Variants in ABCA13 observed in about 807,000 individuals in gnomAD.
The protein encoded by ABCA13 is ATP-binding cassette sub-family A member 13.
A neutral mutation model predicts 478.7 loss-of-function variants in ABCA13; 476 were observed. That is an observed-to-expected ratio of 0.99 (90% CI 0.92 to 1.07). The LOEUF (loss-of-function observed/expected upper bound fraction) is 1.07. Ranked by LOEUF, ABCA13 falls within the 50% of genes least tolerant of loss-of-function variation. ABCA13 has a pLI of 0.00. For synonymous variants in ABCA13, 2,252 were observed against 2,158.9 expected, an observed-to-expected ratio of 1.04 and a Z score of -1.20; for missense variants, 6,060 against 5,910.6, an observed-to-expected ratio of 1.03 and a Z score of -0.83.
rs550087578 is a variant in ABCA13 at position 48,191,703 on chromosome 7, C to T, written c.70-1256C>T. 5.5e-4 allele frequency among the ~76,000 whole-genome samples: 84 copies of T among 152,238 alleles called. 1 individual carries two copies. Among genetic ancestry groups the T allele is most frequent in the Admixed American group, 4.4e-3 (68 of 15,290 alleles). On this transcript the variant is annotated intron_variant, in intron 1 of 61. Transcript: ENST00000435803. Reference sequence around the variant, plus strand: ...GATTACAGGTGTGAGCCACCGTGCCCGGCCAAAGAGGGTGATTTCTTTTCT... The same window carrying T: ...GATTACAGGTGTGAGCCACCGTGCCTGGCCAAAGAGGGTGATTTCTTTTCT...
chr7:48,203,190 C>G (rs964186242), intron 3 of ABCA13, among the ~76,000 whole-genome samples: 9 of 152,224 alleles, frequency 5.9e-5, no homozygotes, highest in Middle Eastern at 3.4e-3. Context: ...CCGGCAGGGC[C>G]GGCCGGCTGC....
intron 44 of ABCA13, 92 bp from the exon 45 acceptor site, chr7:48,471,438 C>T: frequency 8.5e-7 from 1 of 1,170,284 alleles, no homozygotes; most frequent in Admixed American, 2.1e-5. Context: ...ATCTTGTGAA[C>T]TCTGTTCTAG....
chr7:48,387,953 A>T lies in ABCA13; in HGVS notation c.11467A>T (p.Asn3823Tyr), dbSNP rs776925418. ...GTTCTTCTTCAATGAGAACTTTGAC[A>T]ATAAAGGTTTGTAAGGAGTAGAATT... ...SLFFFNENFD[N>Y]KGSSLQNREG... The change falls in exon 36 of 62, where the codon AAT becomes TAT. Residue 3823 changes from asparagine (N) to tyrosine (Y), a missense_variant. Asn to Tyr is a moderately radical substitution (Grantham distance 143). Coordinates refer to ENST00000435803, the MANE Select transcript of ABCA13 (RefSeq NM_152701.5). The T allele has an allele frequency of 6.2e-7, 1 of 1,605,944 alleles. No individual in the cohort carries two copies. Among genetic ancestry groups the T allele is most frequent in the Non-Finnish European group, 8.5e-7 (1 of 1,177,944 alleles).
At chr7:48,604,501 T>C (rs557734691) in intron 58 of ABCA13, among the ~76,000 whole-genome samples, 1 of 152,312 alleles carries the variant, frequency 6.6e-6, no homozygotes, top group Admixed American at 6.5e-5. Flanking sequence ...CAGTAATCAT[T>C]CAGGAGCAGG....
At chr7:48,357,048 G>A (rs761865241) in intron 31 of ABCA13, among the ~76,000 whole-genome samples, 11 of 151,812 alleles carry the variant, frequency 7.2e-5, no homozygotes, top group South Asian at 2.1e-4. Context: ...GAAATGGAGC[G>A]TGCTGGGTCA....
intron 31 of ABCA13, among the ~76,000 whole-genome samples, chr7:48,354,256 C>T (rs1476335193): frequency 3.3e-5 from 5 of 152,016 alleles, no homozygotes; most frequent in African/African-American, 4.8e-5. Flanking sequence ...GTTGTGCTTA[C>T]GTGGATGGGA....
At chr7:48,308,007 T>G (rs1801170394) in intron 23 of ABCA13, among the ~76,000 whole-genome samples, 1 of 152,210 alleles carries the variant, frequency 6.6e-6, no homozygotes, top group Non-Finnish European at 1.5e-5. Flanking sequence ...TTTAAAAAAC[T>G]TTTGGACTCT....
chr7:48,514,701 GT>G (rs1384828073), intron 51 of ABCA13, among the ~76,000 whole-genome samples: 1 of 152,116 alleles, frequency 6.6e-6, no homozygotes, highest in Non-Finnish European at 1.5e-5. Flanking sequence ...GGGTAGGTGT[GT>G]GGTGTGGGTG....
chr7:48,637,700 T>A (rs1794786455), intron 59 of ABCA13, among the ~76,000 whole-genome samples: 1 of 152,184 alleles, frequency 6.6e-6, no homozygotes, highest in Admixed American at 6.5e-5. Context: ...GATGAGGCTA[T>A]GTATTTTTTT....
At chr7:48,508,085 A>G (rs1178739112) in intron 50 of ABCA13, 36 bp downstream of exon 50, 1 of 1,613,358 alleles carries the variant, frequency 6.2e-7, no homozygotes, top group South Asian at 1.1e-5. Flanking sequence ...GTGCCTCCAC[A>G]ATAGTGATCT....
intron 57 of ABCA13, among the ~76,000 whole-genome samples, chr7:48,592,792 T>C (rs1281969523): frequency 6.6e-6 from 1 of 152,066 alleles, no homozygotes; most frequent in Non-Finnish European, 1.5e-5. Flanking sequence ...ATTACTCTTT[T>C]ATCATTTTAT....
intron 20 of ABCA13, among the ~76,000 whole-genome samples, chr7:48,293,073 C>G (rs1798760926): frequency 6.6e-6 from 1 of 152,028 alleles, no homozygotes; most frequent in Non-Finnish European, 1.5e-5. Context: ...TTGTAATAAT[C>G]TATTGGCTGG....
intron 6 of ABCA13, 36 bp downstream of exon 6, chr7:48,227,461 A>G (rs750121486): frequency 6.2e-7 from 1 of 1,601,202 alleles, no homozygotes; most frequent in Admixed American, 1.7e-5. Context: ...AAGTATCAAT[A>G]TGTTGTTTTT....
At chr7:48,586,450 G>A (rs569925904) in intron 56 of ABCA13, among the ~76,000 whole-genome samples, 3 of 152,104 alleles carry the variant, frequency 2.0e-5, no homozygotes, top group Non-Finnish European at 4.4e-5. Context: ...GCAGCTGGAG[G>A]CATCATCCTA....
At chr7:48,365,088 T>C (rs1811468003) in intron 31 of ABCA13, among the ~76,000 whole-genome samples, 1 of 152,220 alleles carries the variant, frequency 6.6e-6, no homozygotes, top group African/African-American at 2.4e-5. Context: ...TTTCTCTCTT[T>C]TTGATAGTAG....
chr7:48,603,265 T>C (rs896881367), intron 58 of ABCA13, among the ~76,000 whole-genome samples: 3 of 152,190 alleles, frequency 2.0e-5, no homozygotes, highest in East Asian at 1.9e-4. Context: ...TTCAACACTA[T>C]GTTGAATAGT....
intron 35 of ABCA13, among the ~76,000 whole-genome samples, chr7:48,382,420 C>G (rs904038548): frequency 6.6e-6 from 1 of 152,208 alleles, no homozygotes; most frequent in African/African-American, 2.4e-5. Context: ...GCCCCTCTCT[C>G]TATTCCCGTT....
At chr7:48,528,401 C>A in intron 55 of ABCA13, 56 bp downstream of exon 55, 1 of 1,221,140 alleles carries the variant, frequency 8.2e-7, no homozygotes, top group Non-Finnish European at 1.1e-6. Flanking sequence ...GCCCAGAGAA[C>A]CCCCAGCATT....
chr7:48,562,680 G>T (rs1786588694), intron 55 of ABCA13, among the ~76,000 whole-genome samples: 1 of 152,030 alleles, frequency 6.6e-6, no homozygotes, highest in East Asian at 1.9e-4. Context: ...GGAACCACTG[G>T]GGGACTAGAT....
Sources: gnomAD v4.1 joint callset for allele counts (sites outside exome capture counted in the v4.1 genomes callset) on GRCh38, gnomAD v4.1.1 for gene constraint, MANE v1.5 for transcripts, NCBI Gene and HGNC (gene_info 2026-07-23, HGNC 2026-07-21) for gene names.